Variants in RNF17 observed in about 807,000 individuals in gnomAD.
RNF17 encodes spermatogenesis associated 23.
In RNF17, 31 loss-of-function variants were observed where a neutral mutation model predicts 200.5. That is an observed-to-expected ratio of 0.15 (90% CI 0.12 to 0.21). The LOEUF (loss-of-function observed/expected upper bound fraction) is 0.21, where lower values mean the gene tolerates loss of function less well. RNF17 is among the 10% of genes least tolerant of loss of function. RNF17 has a pLI of 1.00. For synonymous variants in RNF17, 606 were observed against 637.8 expected, an observed-to-expected ratio of 0.95 and a Z score of 0.75; for missense variants, 1,628 against 1,905.1, an observed-to-expected ratio of 0.85 and a Z score of 2.71.
At chr13:24,828,983 A>T (rs576436733) in intron 16 of RNF17, among the ~76,000 whole-genome samples, 336 of 151,328 alleles carry the variant, frequency 2.2e-3, no homozygotes, top group African/African-American at 8.0e-3. Context: ...TAATTTATAT[A>T]TTTTTTTTGT....
intron 22 of RNF17, among the ~76,000 whole-genome samples, chr13:24,847,079 T>A (rs1232929559): frequency 6.6e-6 from 1 of 152,130 alleles, no homozygotes; most frequent in Non-Finnish European, 1.5e-5. Flanking sequence ...TTGTATCTCA[T>A]CTGCAAGGAT....
intron 22 of RNF17, among the ~76,000 whole-genome samples, chr13:24,849,389 T>C (rs908979300): frequency 6.6e-6 from 1 of 152,228 alleles, no homozygotes. Context: ...AGGATGGCTT[T>C]GAATGCAACC....
downstream of RNF17, chr13:24,884,590 T>C (rs142286957): frequency 2.2e-6 from 2 of 923,732 alleles, no homozygotes; most frequent in East Asian, 5.1e-5. Flanking sequence ...AAAAGATCCT[T>C]TATTTCGTGA....
downstream of RNF17, chr13:24,882,885 TAGCCA>T: frequency 5.2e-6 from 2 of 386,084 alleles, no homozygotes; most frequent in South Asian, 2.5e-5. Flanking sequence ...TTTTTTTTTA[TAGCCA>T]TTTCTAACCA....
chr13:24,856,284 G>C (rs1360155479), intron 25 of RNF17, among the ~76,000 whole-genome samples: 3 of 151,924 alleles, frequency 2.0e-5, no homozygotes, highest in African/African-American at 7.3e-5. Context: ...GCTGGGCGTG[G>C]TGGCAGGCAT....
chr13:24,826,355 C>CT, intron 16 of RNF17, among the ~76,000 whole-genome samples: 1 of 152,150 alleles, frequency 6.6e-6, no homozygotes, highest in Non-Finnish European at 1.5e-5. Flanking sequence ...CCAGCATTGA[C>CT]TAAGACAGAA....
the RNF17 span, among the ~76,000 whole-genome samples, chr13:24,748,543 C>T: frequency 6.6e-6 from 1 of 152,214 alleles, no homozygotes; most frequent in Non-Finnish European, 1.5e-5. Context: ...CAGATTTAAT[C>T]TGCATCCTTT....
intron 6 of RNF17, 74 bp downstream of exon 6, chr13:24,782,018 T>C: frequency 1.0e-6 from 1 of 987,174 alleles, no homozygotes; most frequent in African/African-American, 1.6e-5. Context: ...TTCCTTTGTT[T>C]AGAATGGTAA....
At chr13:24,765,462 G>T (rs971240199) in intron 1 of RNF17, among the ~76,000 whole-genome samples, 1 of 152,190 alleles carries the variant, frequency 6.6e-6, no homozygotes, top group Admixed American at 6.5e-5. Context: ...AAGGTCATTC[G>T]ATCAGTTTTC....
chr13:24,842,222 A>G (rs949159740), intron 19 of RNF17, 61 bp downstream of exon 19: 2 of 1,436,972 alleles, frequency 1.4e-6, no homozygotes, highest in South Asian at 1.3e-5. Context: ...TGTAATCACA[A>G]GAAGGGAAAC....
chr13:24,754,842 G>A, the RNF17 span, among the ~76,000 whole-genome samples: 2 of 151,110 alleles, frequency 1.3e-5, no homozygotes, highest in Non-Finnish European at 2.9e-5. Flanking sequence ...GCAACAGTAA[G>A]CCATGATGGT....
chr13:24,884,300 G>A, downstream of RNF17: 1 of 1,614,076 alleles, frequency 6.2e-7, no homozygotes, highest in Non-Finnish European at 8.5e-7. Context: ...AAACTATGGA[G>A]GAGAACACCT....
intron 14 of RNF17, chr13:24,803,931 T>A (rs12184824): frequency 4.5e-6 from 1 of 222,028 alleles, no homozygotes; most frequent in Admixed American, 6.2e-5. Context: ...AGTCAGTACA[T>A]GTACAAGTCC....
upstream of RNF17, chr13:24,764,161 C>A (rs199568900): frequency 6.5e-7 from 1 of 1,540,904 alleles, no homozygotes; most frequent in Non-Finnish European, 8.8e-7. Context: ...CGAGGGCCGC[C>A]GGGACTCGCA....
intron 30 of RNF17, among the ~76,000 whole-genome samples, chr13:24,867,465 T>C (rs1893753255): frequency 6.6e-6 from 1 of 152,228 alleles, no homozygotes; most frequent in Admixed American, 6.5e-5. Flanking sequence ...CTTTGTAATT[T>C]ATGAAAATAA....
rs758970593 is a variant in RNF17 at position 24,831,964 on chromosome 13, C to T, written c.2468C>T (p.Thr823Ile). 6.3e-7 allele frequency: 1 copy of T among 1,579,048 alleles called. No homozygotes were observed. Among genetic ancestry groups the T allele is most frequent in the African/African-American group, 1.4e-5 (1 of 73,978 alleles). Residue 823 changes from threonine (T) to isoleucine (I), a missense_variant, in exon 18 of 36, where the codon ACA (threonine) becomes ATA (isoleucine). Coordinates refer to ENST00000255324, the MANE Select transcript of RNF17 (RefSeq NM_031277.3). The part of the protein sequence containing the change: ...FEEKAQDKFM[T>I]CSVIKILEDN... ...GAAAAGGCTCAAGATAAATTTATGA[C>T]ATGTTCAGTTATCAGTAAGTTCCAT...
chr13:24,783,424 A>G (rs144383820), intron 6 of RNF17, among the ~76,000 whole-genome samples: 52 of 152,304 alleles, frequency 3.4e-4, no homozygotes, highest in African/African-American at 1.2e-3. Context: ...TCACAAAACA[A>G]TGTCATTGAG....
At chr13:24,809,057 T>C (rs904307683) in intron 15 of RNF17, among the ~76,000 whole-genome samples, 1 of 152,056 alleles carries the variant, frequency 6.6e-6, no homozygotes, top group Non-Finnish European at 1.5e-5. Context: ...CAGTATTTTA[T>C]TGAGGATTTT....
chr13:24,881,635 T>A (rs946314621), downstream of RNF17, among the ~76,000 whole-genome samples: 1 of 151,026 alleles, frequency 6.6e-6, no homozygotes, highest in African/African-American at 2.4e-5. Context: ...AATCTAGAGA[T>A]ATATCTAGAT....
Sources: allele counts gnomAD v4.1 joint callset (sites outside exome capture counted in the v4.1 genomes callset), GRCh38; gene constraint gnomAD v4.1.1; transcripts MANE v1.5; gene names NCBI Gene and HGNC (gene_info 2026-07-23, HGNC 2026-07-21).